Variants in RPRD2 observed in about 807,000 individuals in gnomAD.
RPRD2 encodes regulation of nuclear pre-mRNA domain-containing protein 2.
A neutral mutation model predicts 104.4 loss-of-function variants in RPRD2; 12 were observed. The observed-to-expected ratio is 0.11, with a 90% CI of 0.07 to 0.19. The LOEUF is 0.19. RPRD2 is among the 10% of genes least tolerant of loss of function. RPRD2 has a pLI of 1.00. For synonymous variants in RPRD2, 714 were observed against 684.9 expected (o/e 1.04, Z -0.66); for missense variants, 1,543 against 1,790.1 (o/e 0.86, Z 2.49).
chr1:150,472,757 C>T lies in RPRD2; in HGVS notation c.3809C>T (p.Pro1270Leu). ...GEHSGIPFPT[P>L]PPPPPPGEHS... ...CACAGTGGAATTCCTTTCCCTACCCCACCTCCTCCTCCCCCTCCTGGGGAA... is the reference window on the plus strand; with the variant it reads ...CACAGTGGAATTCCTTTCCCTACCCTACCTCCTCCTCCCCCTCCTGGGGAA... The change falls in exon 11 of 11, where the codon CCA becomes CTA. Residue 1270 changes from proline (P) to leucine (L), a missense_variant. Physicochemically the swap from Pro to Leu is moderately conservative, Grantham distance 98. Coordinates refer to ENST00000369068, the MANE Select transcript of RPRD2 (RefSeq NM_015203.5). 6.2e-7 allele frequency: 1 copy of T among 1,612,412 alleles called. No individual in the cohort carries two copies. The highest frequency in any genetic ancestry group is 1.7e-5 in the Admixed American group (1 of 60,022).
At chr1:150,402,922 C>T (rs587688454) in intron 1 of RPRD2, among the ~76,000 whole-genome samples, 136 of 151,070 alleles carry the variant, frequency 9.0e-4, no homozygotes, top group Non-Finnish European at 1.7e-3. Flanking sequence ...GAGCCGAGAT[C>T]GCGCCACTGC....
At chr1:150,403,497 G>A (rs1553885852) in intron 1 of RPRD2, among the ~76,000 whole-genome samples, 1 of 152,032 alleles carries the variant, frequency 6.6e-6, no homozygotes, top group Non-Finnish European at 1.5e-5. Flanking sequence ...ATACGTCATG[G>A]TAATGGAATC....
At position 150,473,816 on chromosome 1, in the gene RPRD2, G is replaced by C. The variant is rs112722056; in HGVS notation, c.*482G>C. ...GGCAGCTTAGTAACTGCTGTAGCCA[G>C]CTCGGCTCCCTTCCCTGTGTATCTG... On this transcript the variant is annotated 3_prime_UTR_variant, in exon 11 of 11. Coordinates refer to ENST00000369068, the MANE Select transcript of RPRD2 (RefSeq NM_015203.5). 6.6e-6 allele frequency: 1 copy of C among 152,538 alleles called. No individual in the cohort carries two copies. Among genetic ancestry groups the C allele is most frequent in the African/African-American group, 2.4e-5 (1 of 41,438 alleles). The allele number at this position is 152,538 out of a possible 1,614,324, so 9.4% of individuals were successfully genotyped here.
At chr1:150,458,334 G>A (rs1667684239) in intron 8 of RPRD2, among the ~76,000 whole-genome samples, 1 of 151,664 alleles carries the variant, frequency 6.6e-6, no homozygotes, top group Non-Finnish European at 1.5e-5. Context: ...TGCGTCTGTA[G>A]CCCCAGCTGC....
intron 2 of RPRD2, among the ~76,000 whole-genome samples, chr1:150,420,325 GAGA>G (rs1343708398): frequency 6.6e-6 from 1 of 151,984 alleles, no homozygotes; most frequent in Non-Finnish European, 1.5e-5. Context: ...GGAAAAAAGT[GAGA>G]AGGACATAAT....
At chr1:150,414,551 A>G (rs1664196398) in intron 1 of RPRD2, among the ~76,000 whole-genome samples, 1 of 152,208 alleles carries the variant, frequency 6.6e-6, no homozygotes, top group Non-Finnish European at 1.5e-5. Flanking sequence ...ATGATTCTAG[A>G]GGAGGACCCG....
intron 1 of RPRD2, among the ~76,000 whole-genome samples, chr1:150,371,175 A>G (rs1298148547): frequency 6.6e-6 from 1 of 152,184 alleles, no homozygotes; most frequent in African/African-American, 2.4e-5. Flanking sequence ...GGATATCGAG[A>G]TCCTTAGATG....
intron 2 of RPRD2, among the ~76,000 whole-genome samples, chr1:150,439,952 T>G (rs1403056842): frequency 6.6e-6 from 1 of 151,940 alleles, no homozygotes; most frequent in Non-Finnish European, 1.5e-5. Context: ...TTATTTCTCA[T>G]TCACTTCTAC....
rs1253983277 is a variant in RPRD2 at position 150,472,640 on chromosome 1, C to G, written c.3692C>G (p.Ala1231Gly). Residue 1231 changes from alanine to glycine, a missense_variant, in exon 11 of 11, where the codon GCA (alanine) becomes GGA (glycine). Ala to Gly is a moderately conservative substitution (Grantham distance 60). Coordinates refer to ENST00000369068, the MANE Select transcript of RPRD2 (RefSeq NM_015203.5). The stretch of plus-strand genomic sequence containing the variant: ...CATGGTGGTATCTTCTCTCGAGATG[C>G]ACCCACTCATCTACCCTCTGTGGAT... The part of the protein sequence containing the change: ...KDHGGIFSRD[A>G]PTHLPSVDLS... 6.2e-7 allele frequency: 1 copy of G among 1,613,820 alleles called. No homozygotes were observed. The highest frequency in any genetic ancestry group is 8.5e-7 in the Non-Finnish European group (1 of 1,179,730).
chr1:150,386,229 C>G (rs1250844808), intron 1 of RPRD2, among the ~76,000 whole-genome samples: 9 of 152,144 alleles, frequency 5.9e-5, no homozygotes, highest in Non-Finnish European at 1.2e-4. Context: ...CCACCTTGGC[C>G]TCCCATCGTG....
Position 150,364,596 on chromosome 1 carries a change from C to G in RPRD2, c.-119C>G, listed in dbSNP as rs1317528300. ...GCCCAGCGCGTGCACCATCCCCACC[C>G]CCTAGCTTCCCTCCCCACCTACGGC... On this transcript the variant is annotated 5_prime_UTR_variant, in exon 1 of 11. Coordinates refer to ENST00000369068, the MANE Select transcript of RPRD2 (RefSeq NM_015203.5). 11 of 618,218 alleles carry G rather than the reference C, an allele frequency of 1.8e-5. No individual in the cohort carries two copies. Among genetic ancestry groups the G allele is most frequent in the Non-Finnish European group, 2.8e-5 (10 of 354,354 alleles). The allele number at this position is 618,218 out of a possible 1,614,324, so 38.3% of individuals were successfully genotyped here. A position where few individuals can be genotyped will look rare whatever the true frequency, so the allele number is the denominator to read the frequency against.
chr1:150,405,907 T>A (rs1663435476), intron 1 of RPRD2, among the ~76,000 whole-genome samples: 1 of 152,162 alleles, frequency 6.6e-6, no homozygotes, highest in Admixed American at 6.6e-5. Context: ...GTTCAAGTAA[T>A]CCTTAGTTTA....
intron 1 of RPRD2, among the ~76,000 whole-genome samples, chr1:150,396,303 G>A (rs1342437724): frequency 6.6e-6 from 1 of 151,092 alleles, no homozygotes; most frequent in African/African-American, 2.4e-5. Context: ...TCTGTGGATT[G>A]TCTGTTTACT....
At position 150,472,263 on chromosome 1, in the gene RPRD2, C is replaced by A. The variant is rs372454984; in HGVS notation, c.3315C>A (p.Thr1105=). Residue 1105 remains threonine, a synonymous_variant, in exon 11 of 11, where the codon ACC becomes ACA. Coordinates refer to ENST00000369068, the MANE Select transcript of RPRD2 (RefSeq NM_015203.5). ...GGATGTCAGGGGAGCCGATCCAGAC[C>A]GTAGAGTCCATCCGAGTTCCTGGGA... is the stretch of plus-strand genomic sequence containing the variant. The part of the protein sequence containing the change: ...NRRMSGEPIQ[T]VESIRVPGKG... The A allele has an allele frequency of 1.2e-6, 2 of 1,613,846 alleles. No homozygotes were observed. Among genetic ancestry groups the A allele is most frequent in the Non-Finnish European group, 1.7e-6 (2 of 1,179,846 alleles).
chr1:150,466,514 A>C (rs1668288223), intron 10 of RPRD2, among the ~76,000 whole-genome samples: 1 of 140,806 alleles, frequency 7.1e-6, no homozygotes, highest in African/African-American at 2.8e-5. Context: ...ACCCCACTGT[A>C]CTCCAACCTA....
At chr1:150,462,155 A>G (rs9436008) in intron 9 of RPRD2, among the ~76,000 whole-genome samples, 47,308 of 151,372 alleles carry the variant, frequency 0.31, 8,417 homozygotes, top group Non-Finnish European at 0.4. Context: ...GGTGGCATGC[A>G]TCTGTAGTCC....
intron 3 of RPRD2, 122 bp from the exon 4 acceptor site, chr1:150,441,759 G>A (rs987571101): frequency 3.6e-6 from 2 of 550,542 alleles, no homozygotes; most frequent in Non-Finnish European, 6.4e-6. Flanking sequence ...GAAAGAAAAG[G>A]AAAGAAAGAA....
At chr1:150,400,993 G>A (rs1169957110) in intron 1 of RPRD2, among the ~76,000 whole-genome samples, 8 of 151,708 alleles carry the variant, frequency 5.3e-5, no homozygotes, top group Admixed American at 1.3e-4. Flanking sequence ...TGGCTAACGC[G>A]GTGAAACTCC....
intron 2 of RPRD2, among the ~76,000 whole-genome samples, chr1:150,418,061 G>A (rs1664493764): frequency 6.6e-6 from 1 of 151,814 alleles, no homozygotes; most frequent in African/African-American, 2.4e-5. Context: ...TCCGCCTCCC[G>A]GGTTCAAGCA....
Sources: gnomAD v4.1 joint callset for allele counts (sites outside exome capture counted in the v4.1 genomes callset) on GRCh38, gnomAD v4.1.1 for gene constraint, MANE v1.5 for transcripts, NCBI Gene and HGNC (gene_info 2026-07-23, HGNC 2026-07-21) for gene names.